MYRIP: variants seen among roughly 807,000 people sequenced by gnomAD.
MYRIP encodes the protein myosin VIIA and Rab interacting protein.
Under a neutral mutation model 98.0 loss-of-function variants are expected in MYRIP, and 49 were observed. That is an observed-to-expected ratio of 0.50 (90% confidence interval 0.40 to 0.63). The LOEUF is 0.63. Ranked by LOEUF, MYRIP falls within the 30% of genes least tolerant of loss-of-function variation. The pLI is 0.00. For missense variants in MYRIP, 1,004 were observed against 1,058.2 expected (o/e 0.95, Z 0.71); for synonymous variants, 404 against 409.5 (o/e 0.99, Z 0.16).
chr3:40,101,255 A>G (rs1948939609), intron 3 of MYRIP, among the ~76,000 whole-genome samples: 1 of 152,098 alleles, frequency 6.6e-6, no homozygotes, highest in African/African-American at 2.4e-5. Flanking sequence ...GTGTTTTATT[A>G]TTATAATCAT....
intron 3 of MYRIP, among the ~76,000 whole-genome samples, chr3:40,086,477 C>G (rs543612100): frequency 1.3e-5 from 2 of 152,102 alleles, no homozygotes; most frequent in African/African-American, 4.8e-5. Flanking sequence ...CAGGAGGGGC[C>G]GTAACTCAGC....
At chr3:39,882,445 C>A (rs1404957194) in intron 1 of MYRIP, among the ~76,000 whole-genome samples, 1 of 152,094 alleles carries the variant, frequency 6.6e-6, no homozygotes, top group African/African-American at 2.4e-5. Flanking sequence ...AGATTTAGAA[C>A]CCACAAATGA....
intron 1 of MYRIP, among the ~76,000 whole-genome samples, chr3:39,831,035 C>T (rs1461379303): frequency 2.0e-5 from 3 of 152,110 alleles, no homozygotes; most frequent in Non-Finnish European, 4.4e-5. Flanking sequence ...TAGCAGCCTT[C>T]GAAGCAACCA....
rs149084259 is a variant in MYRIP at position 40,230,833 on chromosome 3, T to G, written c.1906-3026T>G. Among the ~76,000 whole-genome samples, 1,466 of 152,062 alleles carry G rather than the reference T, an allele frequency of 9.6e-3. 26 individuals carry two copies. Among genetic ancestry groups the G allele is most frequent in the African/African-American group, 0.031 (1,298 of 41,448 alleles). Reference sequence around the variant, plus strand: ...TCAGTCACTTCTTCTTTTTTTTTTTTTTGTTTTTTTTAGGCGGAATTTCGC... The same window carrying G: ...TCAGTCACTTCTTCTTTTTTTTTTTGTTGTTTTTTTTAGGCGGAATTTCGC... On this transcript the variant is annotated intron_variant, in intron 11 of 16. Coordinates refer to ENST00000302541, the MANE Select transcript of MYRIP (RefSeq NM_015460.4).
At chr3:39,941,467 A>C (rs1030675615) in intron 2 of MYRIP, among the ~76,000 whole-genome samples, 3 of 151,720 alleles carry the variant, frequency 2.0e-5, no homozygotes, top group African/African-American at 4.9e-5. Context: ...TATCGGGAGG[A>C]AATACAGTCT....
intron 2 of MYRIP, among the ~76,000 whole-genome samples, chr3:39,974,963 C>A (rs1212298260): frequency 6.6e-6 from 1 of 152,178 alleles, no homozygotes; most frequent in Admixed American, 6.5e-5. Context: ...AAACTAGAAG[C>A]ATTCCCTTAG....
chr3:40,166,872 G>C lies in MYRIP; in HGVS notation c.577G>C (p.Val193Leu), dbSNP rs777667312. The C allele has an allele frequency of 3.1e-6, 5 of 1,613,668 alleles. No homozygotes were observed. Among genetic ancestry groups the C allele is most frequent in the Non-Finnish European group, 4.2e-6 (5 of 1,179,712 alleles). The change falls in exon 6 of 17, where the codon GTG becomes CTG. Residue 193 changes from valine to leucine, a missense_variant. Physicochemically the swap from Val to Leu is conservative, Grantham distance 32 (BLOSUM62 1). Around this residue, in one of 3 missense-constraint regions of MYRIP, gnomAD observed 880 missense variants for 907.7 expected, o/e 0.97. Coordinates refer to ENST00000302541, the MANE Select transcript of MYRIP (RefSeq NM_015460.4). ...ACATAGTGTGATGGACACCTTGGCT[G>C]TGGCCCTACGGGTGGCTGAAGAGGC... ...EGHSVMDTLAVALRVAEEAIE... is the reference protein window; with the variant it reads ...EGHSVMDTLALALRVAEEAIE...
intron 11 of MYRIP, among the ~76,000 whole-genome samples, chr3:40,220,286 G>A (rs1056031023): frequency 6.6e-6 from 1 of 152,030 alleles, no homozygotes; most frequent in African/African-American, 2.4e-5. Flanking sequence ...TTTGTAGGTT[G>A]CCTGTTCACT....
At chr3:40,206,220 A>G (rs1180985038) in intron 10 of MYRIP, among the ~76,000 whole-genome samples, 1 of 152,162 alleles carries the variant, frequency 6.6e-6, no homozygotes, top group African/African-American at 2.4e-5. Flanking sequence ...TGAGTTGATA[A>G]CATAGGGCAG....
intron 1 of MYRIP, among the ~76,000 whole-genome samples, chr3:39,854,192 A>T (rs12715341): frequency 0.34 from 51,839 of 151,974 alleles, 8,978 homozygotes; most frequent in Middle Eastern, 0.47. Flanking sequence ...AGGTAATGTG[A>T]TCTAGCAAGG....
intron 1 of MYRIP, among the ~76,000 whole-genome samples, chr3:39,833,203 A>G (rs1385760413): frequency 2.6e-5 from 4 of 152,168 alleles, no homozygotes; most frequent in Non-Finnish European, 5.9e-5. Flanking sequence ...AAATGAACCA[A>G]TATGTTAGCA....
intron 2 of MYRIP, among the ~76,000 whole-genome samples, chr3:39,989,190 T>C (rs1278677582): frequency 6.6e-6 from 1 of 152,044 alleles, no homozygotes; most frequent in African/African-American, 2.4e-5. Flanking sequence ...GACCTTTGGG[T>C]GGGGATTTTG....
Position 40,182,202 on chromosome 3 carries a change from C to T in MYRIP, c.874-18C>T. The T allele has an allele frequency of 6.3e-7, 1 of 1,595,616 alleles. No individual in the cohort carries two copies. Among genetic ancestry groups the T allele is most frequent in the Non-Finnish European group, 8.5e-7 (1 of 1,170,190 alleles). ...TGTACCTTATGAGCTCACCCCTTCC[C>T]CTCTTTCCTTTCCACAGAGGTCCCA... On this transcript the variant is annotated intron_variant, in intron 8 of 16. Coordinates refer to ENST00000302541, the MANE Select transcript of MYRIP (RefSeq NM_015460.4).
intron 1 of MYRIP, among the ~76,000 whole-genome samples, chr3:39,895,229 C>G (rs1260359798): frequency 6.6e-6 from 1 of 151,636 alleles, no homozygotes; most frequent in Admixed American, 6.6e-5. Flanking sequence ...CTCCGTCGCC[C>G]AGGCTGAAGT....
intron 10 of MYRIP, among the ~76,000 whole-genome samples, chr3:40,207,136 C>T (rs901584969): frequency 6.6e-6 from 1 of 152,126 alleles, no homozygotes; most frequent in Non-Finnish European, 1.5e-5. Flanking sequence ...TGGTGTTTAA[C>T]GCTCTGCAGA....
At chr3:39,901,290 G>A (rs568893358) in intron 2 of MYRIP, among the ~76,000 whole-genome samples, 2 of 152,304 alleles carry the variant, frequency 1.3e-5, no homozygotes, top group South Asian at 4.1e-4. Flanking sequence ...GTGAGAATGA[G>A]TCTCATGCAT....
chr3:40,257,427 T>A (rs1953632598), intron 16 of MYRIP, among the ~76,000 whole-genome samples: 1 of 152,192 alleles, frequency 6.6e-6, no homozygotes, highest in Non-Finnish European at 1.5e-5. Context: ...TTTTTTGAAT[T>A]TTTGCATGAG....
intron 3 of MYRIP, among the ~76,000 whole-genome samples, chr3:40,142,617 T>G (rs1365622194): frequency 6.6e-6 from 1 of 151,962 alleles, no homozygotes; most frequent in Non-Finnish European, 1.5e-5. Context: ...CATGTGCCAC[T>G]GTGCCTGATT....
In MYRIP at chr3:40,258,121, T is replaced by C; in HGVS notation, c.2548-13T>C. 1 of 1,614,244 alleles carries C rather than the reference T, an allele frequency of 6.2e-7. No individual in the cohort carries two copies. Among genetic ancestry groups the C allele is most frequent in the Non-Finnish European group, 8.5e-7 (1 of 1,180,022 alleles). Reference sequence around the variant, plus strand: ...AAGTGGCTGATGGGAGTGTGTTCAATGTCTCACCTCAGGAGCCTGCTCTGG... The same window carrying C: ...AAGTGGCTGATGGGAGTGTGTTCAACGTCTCACCTCAGGAGCCTGCTCTGG... On this transcript the variant is annotated splice_polypyrimidine_tract_variant and intron_variant, in intron 16 of 16. Coordinates refer to ENST00000302541, the MANE Select transcript of MYRIP (RefSeq NM_015460.4).
Sources: allele counts gnomAD v4.1 joint callset (sites outside exome capture counted in the v4.1 genomes callset), GRCh38; gene constraint gnomAD v4.1.1; regional missense constraint gnomAD v4.1.1; transcripts MANE v1.5; gene names NCBI Gene and HGNC (gene_info 2026-07-23, HGNC 2026-07-21).